Variants in NEMF observed in about 807,000 individuals in gnomAD.
NEMF encodes the protein ribosome quality control complex subunit NEMF.
NEMF carries 89 observed loss-of-function variants against 162.2 expected under a neutral mutation model. The ratio of observed to expected loss-of-function variants is 0.55; its 90% confidence interval spans 0.46 to 0.65. NEMF has a LOEUF of 0.65. Among genes scored for constraint, NEMF ranks in the 30% least tolerant of loss-of-function variants. The pLI is 0.00. For missense variants in NEMF, 1,133 were observed against 1,261.9 expected, an observed-to-expected ratio of 0.90 and a Z score of 1.55; for synonymous variants, 421 against 404.5, an observed-to-expected ratio of 1.04 and a Z score of -0.49.
intron 25 of NEMF, among the ~76,000 whole-genome samples, chr14:49,796,703 C>T (rs1052231031): frequency 7.9e-5 from 12 of 152,302 alleles, no homozygotes; most frequent in Admixed American, 2.0e-4. Flanking sequence ...ACATTCTCTT[C>T]GTATCACTTT....
At chr14:49,841,344 G>C (rs1469742751) in intron 4 of NEMF, among the ~76,000 whole-genome samples, 1 of 151,980 alleles carries the variant, frequency 6.6e-6, no homozygotes, top group Non-Finnish European at 1.5e-5. Context: ...AGAGGCCGAG[G>C]AAGGAGGATC....
At chr14:49,790,635 C>A (rs1010075045) in intron 26 of NEMF, among the ~76,000 whole-genome samples, 5 of 152,140 alleles carry the variant, frequency 3.3e-5, no homozygotes. Flanking sequence ...AACATGTATG[C>A]CACAACCCAG....
chr14:49,849,839 C>T (rs577905773), intron 3 of NEMF: 1 of 152,180 alleles, frequency 6.6e-6, no homozygotes, highest in African/African-American at 2.4e-5. Context: ...TAAGGACAGG[C>T]CCCAAAAGAA....
chr14:49,833,602 T>G (rs2139983425), intron 7 of NEMF, 106 bp from the exon 8 acceptor site: 1 of 612,736 alleles, frequency 1.6e-6, no homozygotes, highest in Non-Finnish European at 2.8e-6. Context: ...AAAATAATGT[T>G]GCGTTCAAGA....
intron 18 of NEMF, among the ~76,000 whole-genome samples, chr14:49,809,776 G>A (rs1312035646): frequency 6.6e-6 from 1 of 151,820 alleles, no homozygotes; most frequent in Non-Finnish European, 1.5e-5. Context: ...CAGGAGAATC[G>A]CTTGAACCTG....
intron 26 of NEMF, among the ~76,000 whole-genome samples, chr14:49,794,215 AT>A (rs1890583545): frequency 6.6e-6 from 1 of 151,490 alleles, no homozygotes; most frequent in East Asian, 1.9e-4. Context: ...ATCCCTCCTT[AT>A]TTCCTTAGCT....
At chr14:49,809,368 A>T (rs527734152) in intron 18 of NEMF, among the ~76,000 whole-genome samples, 1 of 152,318 alleles carries the variant, frequency 6.6e-6, no homozygotes, top group South Asian at 2.1e-4. Flanking sequence ...ATGAAGAGAC[A>T]TGGAGGAAAG....
At chr14:49,851,752 C>T (rs538419661) in intron 2 of NEMF, 55 bp downstream of exon 2, 5 of 1,446,922 alleles carry the variant, frequency 3.5e-6, no homozygotes, top group African/African-American at 2.8e-5. Context: ...TAAAAAAAAT[C>T]AGTAATCTCA....
chr14:49,846,133 A>T lies in NEMF; in HGVS notation c.357+7T>A, dbSNP rs765358489. 1 of 1,610,224 alleles carries T rather than the reference A, an allele frequency of 6.2e-7. No individual in the cohort carries two copies. Among genetic ancestry groups the T allele is most frequent in the Non-Finnish European group, 8.5e-7 (1 of 1,178,620 alleles). Reference sequence around the variant, plus strand: ...TTCCTTCACCATATCCCACAAATTTAACTTACCCTATCATAGAGCTCAATG... The same window carrying T: ...TTCCTTCACCATATCCCACAAATTTTACTTACCCTATCATAGAGCTCAATG... On this transcript the variant is annotated splice_region_variant and intron_variant, in intron 4 of 32. Coordinates refer to ENST00000298310, the MANE Select transcript of NEMF (RefSeq NM_004713.6).
At chr14:49,832,945 A>G (rs997235680) in intron 8 of NEMF, among the ~76,000 whole-genome samples, 5 of 152,134 alleles carry the variant, frequency 3.3e-5, no homozygotes, top group African/African-American at 1.2e-4. Flanking sequence ...AACAGAAAAA[A>G]ACTTATAAAC....
intron 3 of NEMF, among the ~76,000 whole-genome samples, chr14:49,849,209 CT>C (rs1893656832): frequency 6.6e-6 from 1 of 152,240 alleles, no homozygotes; most frequent in South Asian, 2.1e-4. Flanking sequence ...ACAATCAGTT[CT>C]TCCAGAGTCC....
Position 49,782,586 on chromosome 14 carries a change from T to C in NEMF, c.*2050A>G, listed in dbSNP as rs570135999. ...TAATATTTTCAGTTCAACCAAAATC[T>C]CTTGTACGGTAAGTAACTTTGTACT... is the stretch of plus-strand genomic sequence containing the variant. On this transcript the variant is annotated 3_prime_UTR_variant, in exon 33 of 33. Coordinates refer to ENST00000298310, the MANE Select transcript of NEMF (RefSeq NM_004713.6). 2.5e-6 allele frequency: 4 copies of C among 1,604,112 alleles called. No homozygotes were observed. Among genetic ancestry groups the C allele is most frequent in the African/African-American group, 1.3e-5 (1 of 74,622 alleles).
At chr14:49,842,814 C>G (rs565675209) in intron 4 of NEMF, among the ~76,000 whole-genome samples, 1 of 152,190 alleles carries the variant, frequency 6.6e-6, no homozygotes, top group South Asian at 2.1e-4. Flanking sequence ...CAAGACCAGA[C>G]TGGCCAACAT....
In NEMF at chr14:49,831,335, T is replaced by C. The variant is rs1892624847; in HGVS notation, c.909A>G (p.Ile303Met). 7 of 1,602,876 alleles carry C rather than the reference T, an allele frequency of 4.4e-6. No individual in the cohort carries two copies. Among genetic ancestry groups the C allele is most frequent in the Non-Finnish European group, 6.0e-6 (7 of 1,170,218 alleles). The change falls in exon 11 of 33, where the codon ATA becomes ATG. Residue 303 changes from isoleucine (I) to methionine (M), a missense_variant. Around this residue, in one of 3 missense-constraint regions of NEMF, gnomAD observed 582 missense variants for 631.5 expected, o/e 0.92. Coordinates refer to ENST00000298310, the MANE Select transcript of NEMF (RefSeq NM_004713.6). ...DKAVDEFYSK[I>M]EGQKIDLKAL... ...CTTTTAAGTCAATTTTCTGGCCTTC[T>C]ATCTTGGAATAAAATTCATCCACCG... is the stretch of plus-strand genomic sequence containing the variant.
intron 4 of NEMF, among the ~76,000 whole-genome samples, chr14:49,841,134 C>G (rs1218273287): frequency 7.5e-6 from 1 of 132,836 alleles, no homozygotes; most frequent in Non-Finnish European, 1.5e-5. Context: ...GGGGTGGAGA[C>G]TGCAGTGAGT....
At chr14:49,811,440 T>C (rs1566671156) in intron 18 of NEMF, among the ~76,000 whole-genome samples, 1 of 152,184 alleles carries the variant, frequency 6.6e-6, no homozygotes, top group Non-Finnish European at 1.5e-5. Context: ...TTTTTTCTTT[T>C]TATTGCCTAA....
intron 2 of NEMF, 38 bp downstream of exon 2, chr14:49,851,769 A>G (rs1426897581): frequency 2.7e-6 from 4 of 1,462,588 alleles, no homozygotes; most frequent in East Asian, 2.3e-5. Context: ...CTCATACTTA[A>G]TTGTCAAAGA....
chr14:49,807,648 G>C (rs1381005270), intron 18 of NEMF, among the ~76,000 whole-genome samples: 1 of 149,370 alleles, frequency 6.7e-6, no homozygotes, highest in African/African-American at 2.5e-5. Context: ...CCCGGCTGGA[G>C]TGCAGTGGCG....
At chr14:49,818,494 A>C (rs902435065) in intron 16 of NEMF, 1 of 152,188 alleles carries the variant, frequency 6.6e-6, no homozygotes, top group Non-Finnish European at 1.5e-5. Context: ...GGCAGCACAA[A>C]CACTTAAGGA....
Sources: gnomAD v4.1 joint callset for allele counts (sites outside exome capture counted in the v4.1 genomes callset) on GRCh38, gnomAD v4.1.1 for gene constraint, gnomAD v4.1.1 regional missense constraint, MANE v1.5 for transcripts, NCBI Gene and HGNC (gene_info 2026-07-23, HGNC 2026-07-21) for gene names.